SHISA9: variants seen among roughly 807,000 people sequenced by gnomAD.
The protein encoded by SHISA9 is shisa family member 9.
Under a neutral mutation model 38.0 loss-of-function variants are expected in SHISA9, and 13 were observed. That is an observed-to-expected ratio of 0.34 (90% confidence interval 0.22 to 0.54). The LOEUF is 0.54. SHISA9 is among the 20% of genes least tolerant of loss of function. The pLI, the probability that SHISA9 is intolerant of heterozygous loss-of-function variation, is 0.91. For missense variants in SHISA9, 538 were observed against 575.8 expected (o/e 0.93, Z 0.67); for synonymous variants, 275 against 242.0 (o/e 1.14, Z -1.27).
At chr16:13,100,134 C>A (rs2073864921) in intron 2 of SHISA9, among the ~76,000 whole-genome samples, 1 of 152,150 alleles carries the variant, frequency 6.6e-6, no homozygotes. Flanking sequence ...TAGCTGATTC[C>A]TCAAGAGAAC....
At chr16:13,320,292 CAAAAAAAAAAA>C in the SHISA9 span, among the ~76,000 whole-genome samples, 40 of 38,998 alleles carry the variant, frequency 1.0e-3, no homozygotes, top group African/African-American at 2.3e-3. Flanking sequence ...GACTCTGTCT[CAAAAAAAAAAA>C]AAAAAAAAAA....
chr16:13,062,871 C>T (rs1387123502), intron 2 of SHISA9, among the ~76,000 whole-genome samples: 1 of 152,148 alleles, frequency 6.6e-6, no homozygotes, highest in African/African-American at 2.4e-5. Context: ...AGGAAAGTGG[C>T]TCACCAGCCT....
At chr16:13,219,261 C>T (rs761255963) in intron 4 of SHISA9, among the ~76,000 whole-genome samples, 1 of 152,230 alleles carries the variant, frequency 6.6e-6, no homozygotes, top group African/African-American at 2.4e-5. Context: ...CATTCCAAAG[C>T]CATCTTGCGT....
intron 2 of SHISA9, 117 bp from the exon 3 acceptor site, chr16:13,203,277 C>A (rs990253632): frequency 9.9e-7 from 1 of 1,008,690 alleles, no homozygotes; most frequent in Non-Finnish European, 1.3e-6. Context: ...TGCTGTTTTG[C>A]GACTTGCGTC....
chr16:13,094,207 G>A (rs566100194), intron 2 of SHISA9, among the ~76,000 whole-genome samples: 5 of 152,246 alleles, frequency 3.3e-5, no homozygotes, highest in South Asian at 4.1e-4. Context: ...CCTCTGATAC[G>A]AGTTGTGGGT....
chr16:13,041,748 G>T (rs1338620457), intron 2 of SHISA9, among the ~76,000 whole-genome samples: 1 of 152,190 alleles, frequency 6.6e-6, no homozygotes, highest in African/African-American at 2.4e-5. Flanking sequence ...GGGTACATGA[G>T]GCTCACTGGG....
rs1173432338 is a variant in SHISA9, at chr16:13,240,322, ATTTG to A, written c.*4921_*4924del. On this transcript the variant is annotated 3_prime_UTR_variant, in exon 5 of 5. Transcript: ENST00000558583. Reference sequence around the variant, plus strand: ...CTTCCTACAATGAAGAAAAAAACACATTTGTTTGTTTTCTAAGAATGTTTATTTG... The same window carrying A: ...CTTCCTACAATGAAGAAAAAAACACATTTGTTTTCTAAGAATGTTTATTTG... The A allele has an allele frequency of 1.3e-5, 2 of 152,208 alleles. No homozygotes were observed. The highest frequency in any genetic ancestry group is 4.8e-5 in the African/African-American group (2 of 41,456). The allele number at this position is 152,208 out of a possible 1,614,324, so 9.4% of individuals were successfully genotyped here.
downstream of SHISA9, among the ~76,000 whole-genome samples, chr16:13,240,576 A>G (rs1298672420): frequency 2.0e-5 from 3 of 152,214 alleles, no homozygotes; most frequent in African/African-American, 4.8e-5. Context: ...AGCAACATAT[A>G]CACATTTTCC....
chr16:13,399,582 C>T, the SHISA9 span, among the ~76,000 whole-genome samples: 6 of 152,198 alleles, frequency 3.9e-5, no homozygotes, highest in East Asian at 1.9e-4. Flanking sequence ...CCACATTGCT[C>T]CTGGCACTAT....
chr16:13,191,079 C>A (rs1355098330), intron 2 of SHISA9, among the ~76,000 whole-genome samples: 1 of 151,986 alleles, frequency 6.6e-6, no homozygotes, highest in Non-Finnish European at 1.5e-5. Context: ...TTTTTCCTTG[C>A]TTGTGGACAG....
At chr16:12,987,623 T>A (rs1176751482) in intron 2 of SHISA9, among the ~76,000 whole-genome samples, 1 of 152,056 alleles carries the variant, frequency 6.6e-6, no homozygotes, top group African/African-American at 2.4e-5. Context: ...AGCATCAGGA[T>A]AAATAGCTAA....
At chr16:13,462,070 G>A in the SHISA9 span, among the ~76,000 whole-genome samples, 1 of 151,688 alleles carries the variant, frequency 6.6e-6, no homozygotes, top group Non-Finnish European at 1.5e-5. Flanking sequence ...AGGAGTTCAA[G>A]ACCAGGCTGA....
chr16:13,186,701 C>A (rs1361588672), intron 2 of SHISA9, among the ~76,000 whole-genome samples: 1 of 152,202 alleles, frequency 6.6e-6, no homozygotes, highest in East Asian at 1.9e-4. Flanking sequence ...AAATGAAACT[C>A]TGCATTGCTG....
At chr16:13,078,308 A>G (rs543334015) in intron 2 of SHISA9, among the ~76,000 whole-genome samples, 1 of 152,360 alleles carries the variant, frequency 6.6e-6, no homozygotes, top group South Asian at 2.1e-4. Context: ...TCTCTAGGTT[A>G]CTTATAATGA....
At chr16:13,046,507 G>C (rs974256541) in intron 2 of SHISA9, among the ~76,000 whole-genome samples, 3 of 152,102 alleles carry the variant, frequency 2.0e-5, no homozygotes, top group African/African-American at 7.2e-5. Flanking sequence ...GCTTTGAGAA[G>C]GTGTGAATTG....
At chr16:13,490,191 T>C in the SHISA9 span, among the ~76,000 whole-genome samples, 5 of 152,020 alleles carry the variant, frequency 3.3e-5, no homozygotes, top group South Asian at 4.1e-4. Context: ...GCAGAAGCCA[T>C]AGCAGGAGCA....
At chr16:13,428,564 A>G in the SHISA9 span, among the ~76,000 whole-genome samples, 1 of 152,190 alleles carries the variant, frequency 6.6e-6, no homozygotes, top group Non-Finnish European at 1.5e-5. Flanking sequence ...GAAGTGGGTC[A>G]TTCTTTTCAT....
At chr16:12,917,575 C>T (rs562379975) in intron 2 of SHISA9, among the ~76,000 whole-genome samples, 5 of 152,158 alleles carry the variant, frequency 3.3e-5, no homozygotes, top group Admixed American at 6.5e-5. Context: ...CAATATACAT[C>T]GTGGAGCTGA....
chr16:13,312,997 T>C, the SHISA9 span, among the ~76,000 whole-genome samples: 1 of 152,050 alleles, frequency 6.6e-6, no homozygotes, highest in Non-Finnish European at 1.5e-5. Context: ...GGCTCACGCC[T>C]GTAATCCCAG....
Sources: gnomAD v4.1 joint callset for allele counts (sites outside exome capture counted in the v4.1 genomes callset) on GRCh38, gnomAD v4.1.1 for gene constraint, MANE v1.5 for transcripts, NCBI Gene and HGNC (gene_info 2026-07-23, HGNC 2026-07-21) for gene names.